Variants in GTF3C4 observed in about 807,000 individuals in gnomAD.
GTF3C4 encodes general transcription factor IIIC subunit 4.
GTF3C4 carries 28 observed loss-of-function variants against 67.5 expected under a neutral mutation model. The observed-to-expected ratio is 0.41, with a 90% CI of 0.31 to 0.57. GTF3C4 has a LOEUF of 0.57. GTF3C4 is among the 20% of genes least tolerant of loss of function. The pLI is 0.21. For synonymous variants in GTF3C4, 409 were observed against 393.0 expected (o/e 1.04, Z -0.48); for missense variants, 831 against 1,033.2 (o/e 0.80, Z 2.68).
chr9:132,683,339 T>C (rs1177271757), intron 2 of GTF3C4, among the ~76,000 whole-genome samples: 1 of 152,240 alleles, frequency 6.6e-6, no homozygotes, highest in African/African-American at 2.4e-5. Context: ...AGTACCTGAA[T>C]AAATTTATTT....
In GTF3C4 at chr9:132,688,932, C is replaced by G; in HGVS notation, c.2456C>G (p.Ser819Cys). 1 of 1,610,406 alleles carries G rather than the reference C, an allele frequency of 6.2e-7. No individual in the cohort carries two copies. Among genetic ancestry groups the G allele is most frequent in the Non-Finnish European group, 8.5e-7 (1 of 1,176,694 alleles). The part of the protein sequence containing the change: ...LLQSPCPFCD[S>C]PVF The stretch of plus-strand genomic sequence containing the variant: ...CAAAGCCCCTGCCCTTTCTGTGATT[C>G]TCCTGTCTTCTAAATAATCAGTGAC... Residue 819 changes from serine (S) to cysteine (C), a missense_variant, in exon 5 of 5, where the codon TCT becomes TGT. Physicochemically the swap from Ser to Cys is moderately radical, Grantham distance 112 (BLOSUM62 -1). Around this residue, in one of 4 missense-constraint regions of GTF3C4, gnomAD observed 129 missense variants for 213.8 expected, o/e 0.60. Transcript: ENST00000372146.
At chr9:132,684,313 T>C (rs1835992666) in intron 3 of GTF3C4, among the ~76,000 whole-genome samples, 1 of 152,222 alleles carries the variant, frequency 6.6e-6, no homozygotes. Flanking sequence ...TTTGGATGTT[T>C]AATAGGCATT....
rs762674600 is a variant in GTF3C4, at chr9:132,683,534, A to G, written c.2185-29A>G. On this transcript the variant is annotated intron_variant, in intron 2 of 4. Transcript: ENST00000372146. Reference sequence around the variant, plus strand: ...CTTCAGGAAATCCTGCACTTACACTAAACTTTGCTGACTACTTTGTCTTAC... The same window carrying G: ...CTTCAGGAAATCCTGCACTTACACTGAACTTTGCTGACTACTTTGTCTTAC... The G allele has an allele frequency of 1.2e-5, 19 of 1,594,646 alleles. No individual in the cohort carries two copies. The South Asian group carries it at 2.2e-4, about 19-fold the overall frequency.
intron 2 of GTF3C4, 88 bp from the exon 3 acceptor site, chr9:132,683,475 T>C (rs570344974): frequency 1.7e-6 from 2 of 1,198,528 alleles, no homozygotes; most frequent in African/African-American, 3.1e-5. Context: ...TTTTCTTTAT[T>C]TTTTAATTTT....
At chr9:132,684,959 G>C (rs1288462099) in intron 3 of GTF3C4, among the ~76,000 whole-genome samples, 3 of 150,928 alleles carry the variant, frequency 2.0e-5, no homozygotes, top group African/African-American at 7.3e-5. Flanking sequence ...TATGTGTTTT[G>C]TTTACAGCTA....
intron 1 of GTF3C4, 56 bp from the exon 2 acceptor site, chr9:132,677,921 T>C: frequency 7.1e-7 from 1 of 1,404,040 alleles, no homozygotes; most frequent in Non-Finnish European, 9.7e-7. Context: ...TTTTAAAAAA[T>C]TGCCATCTCC....
intron 1 of GTF3C4, among the ~76,000 whole-genome samples, chr9:132,673,580 C>T (rs1355997907): frequency 6.6e-6 from 1 of 152,190 alleles, no homozygotes; most frequent in Non-Finnish European, 1.5e-5. Flanking sequence ...TGTGTCAGCA[C>T]TTTGATGACT....
At position 132,689,324 on chromosome 9, in the gene GTF3C4, T is replaced by G. The variant is rs1180309696; in HGVS notation, c.*379T>G. Reference sequence around the variant, plus strand: ...GAGCTTGGATAAGGACCTTGCTGGGTTGAGTTAGGTTTTAATCCTTGCTTT... The same window carrying G: ...GAGCTTGGATAAGGACCTTGCTGGGGTGAGTTAGGTTTTAATCCTTGCTTT... On this transcript the variant is annotated 3_prime_UTR_variant, in exon 5 of 5. Transcript: ENST00000372146. 1 of 184,534 alleles carries G rather than the reference T, an allele frequency of 5.4e-6. No individual in the cohort carries two copies. Among genetic ancestry groups the G allele is most frequent in the Admixed American group, 5.4e-5 (1 of 18,434 alleles). 11.4% of individuals were successfully genotyped at this position (184,534 alleles called of 1,614,324 possible).
upstream of GTF3C4, chr9:132,670,328 C>G (rs1835673963): frequency 6.9e-7 from 1 of 1,458,172 alleles, no homozygotes; most frequent in African/African-American, 1.5e-5. Flanking sequence ...GGGTAGCTCC[C>G]TAACAGGCTC....
chr9:132,679,029 T>G lies in GTF3C4; in HGVS notation c.1410T>G (p.Asp470Glu). 1 of 1,614,190 alleles carries G rather than the reference T, an allele frequency of 6.2e-7. No homozygotes were observed. Among genetic ancestry groups the G allele is most frequent in the Non-Finnish European group, 8.5e-7 (1 of 1,180,026 alleles). Residue 470 changes from aspartate to glutamate, a missense_variant, in exon 2 of 5, where the codon GAT becomes GAG. By Grantham distance (45) the Asp-to-Glu change is conservative. Coordinates refer to ENST00000372146, the MANE Select transcript of GTF3C4 (RefSeq NM_012204.4). This position sits in a 1 kb window ranked among gnomAD's most constrained non-coding sequence, Gnocchi z 5.9. ...AACACCAGTTGATTAAACTCTCAGA[T>G]GTGTTTGGCTCAGTGAGGACTCACG... ...KFEHQLIKLS[D>E]VFGSVRTHGI...
intron 1 of GTF3C4, among the ~76,000 whole-genome samples, chr9:132,673,829 A>G (rs981134319): frequency 6.6e-6 from 1 of 152,212 alleles, no homozygotes; most frequent in Non-Finnish European, 1.5e-5. Flanking sequence ...GCTGTTTTAT[A>G]AGATTGTATG....
At position 132,678,834 on chromosome 9, in the gene GTF3C4, G is replaced by C. The variant is rs777353085; in HGVS notation, c.1215G>C (p.Leu405=). 1 of 1,614,162 alleles carries C rather than the reference G, an allele frequency of 6.2e-7. No individual in the cohort carries two copies. Among genetic ancestry groups the C allele is most frequent in the East Asian group, 2.2e-5 (1 of 44,892 alleles). ...CTTATGTATTTTGGTGTCTTCTTCT[G>C]ATCTCCAAAGCAGGGCTGAATGTTC... is the stretch of plus-strand genomic sequence containing the variant. ...RGSYVFWCLL[L]ISKAGLNVHN... Residue 405 remains leucine, a synonymous_variant, in exon 2 of 5, where the codon CTG becomes CTC. Coordinates refer to ENST00000372146, the MANE Select transcript of GTF3C4 (RefSeq NM_012204.4). This position sits in a 1 kb window ranked among gnomAD's most constrained non-coding sequence, Gnocchi z 6.5.
In GTF3C4 at chr9:132,689,812, A is replaced by C. The variant is rs3739896; in HGVS notation, c.*867A>C. 5.3e-5 allele frequency: 8 copies of C among 152,326 alleles called. No individual in the cohort carries two copies. The East Asian group carries it at 1.5e-3, about 29-fold the overall frequency. 9.4% of individuals were successfully genotyped at this position (152,326 alleles called of 1,614,324 possible). On this transcript the variant is annotated 3_prime_UTR_variant, in exon 5 of 5. Coordinates refer to ENST00000372146, the MANE Select transcript of GTF3C4 (RefSeq NM_012204.4). ...AAGACTTTCAGTATTTTTAATGTTG[A>C]CATTTCCAGATGTTTCATTTAGTAT... is the stretch of plus-strand genomic sequence containing the variant.
intron 1 of GTF3C4, among the ~76,000 whole-genome samples, chr9:132,673,468 T>C (rs1228486964): frequency 1.3e-5 from 2 of 152,116 alleles, no homozygotes; most frequent in African/African-American, 4.8e-5. Context: ...TTAGCAGTCT[T>C]TTTAGACTGA....
In GTF3C4 at chr9:132,688,909, A is replaced by G. The variant is rs776656351; in HGVS notation, c.2433A>G (p.Gln811=). Residue 811 remains glutamine (Q), a synonymous_variant, in exon 5 of 5, where the codon CAA becomes CAG. Coordinates refer to ENST00000372146, the MANE Select transcript of GTF3C4 (RefSeq NM_012204.4). ...CCGACTGGATTAAGAGGTTACTGCAAAGCCCCTGCCCTTTCTGTGATTCTC... is the reference window on the plus strand; with the variant it reads ...CCGACTGGATTAAGAGGTTACTGCAGAGCCCCTGCCCTTTCTGTGATTCTC... ...EDPDWIKRLL[Q]SPCPFCDSPV... The G allele has an allele frequency of 8.1e-6, 13 of 1,613,214 alleles. No homozygotes were observed. In the South Asian group the frequency reaches 8.8e-5, roughly 11 times the overall value.
intron 4 of GTF3C4, among the ~76,000 whole-genome samples, chr9:132,688,280 A>G (rs1474861061): frequency 6.6e-6 from 1 of 152,190 alleles, no homozygotes; most frequent in African/African-American, 2.4e-5. Context: ...GGAACTTTTA[A>G]ATTTTTACTG....
intron 3 of GTF3C4, 135 bp downstream of exon 3, chr9:132,683,828 T>C (rs1380353933): frequency 2.3e-6 from 2 of 856,542 alleles, no homozygotes; most frequent in Non-Finnish European, 3.5e-6. Flanking sequence ...AAGCTGCTAT[T>C]ATAAAGCCTG....
rs1378021066 is a variant in GTF3C4, at chr9:132,678,656, A to G, written c.1037A>G (p.Asn346Ser). Residue 346 changes from asparagine (N) to serine (S), a missense_variant, in exon 2 of 5, where the codon AAT becomes AGT. By Grantham distance (46) the Asn-to-Ser change is conservative. Transcript: ENST00000372146. The surrounding 1 kb of genome is among the most constrained non-coding windows in gnomAD (Gnocchi z 6.5). Reference sequence around the variant, plus strand: ...GGACCCATAAAAATTCTTCCTGTCAATCTCAAAGCAGTCAAAGGCTATTTC... The same window carrying G: ...GGACCCATAAAAATTCTTCCTGTCAGTCTCAAAGCAGTCAAAGGCTATTTC... ...AFGPIKILPV[N>S]LKAVKGYFTL... 1.9e-6 allele frequency: 3 copies of G among 1,614,006 alleles called. No individual in the cohort carries two copies. The highest frequency in any genetic ancestry group is 2.5e-6 in the Non-Finnish European group (3 of 1,180,002).
At position 132,670,611 on chromosome 9, in the gene GTF3C4, G is replaced by T; in HGVS notation, c.13G>T (p.Asp5Tyr). 3 of 1,448,744 alleles carry T rather than the reference G, an allele frequency of 2.1e-6. No homozygotes were observed. The highest frequency in any genetic ancestry group is 3.0e-5 in the South Asian group (2 of 67,628). 89.7% of individuals were successfully genotyped at this position (1,448,744 alleles called of 1,614,324 possible). Residue 5 changes from aspartate to tyrosine, a missense_variant, in exon 1 of 5, where the codon GAC (aspartate) becomes TAC (tyrosine). Around this residue, in one of 4 missense-constraint regions of GTF3C4, gnomAD observed 237 missense variants for 212.7 expected, o/e 1.11. Transcript: ENST00000372146. ...CACCTGAGAGAAGATGAACACGGCC[G>T]ACCAGGCCCGGGTGGGGCCCGCGGA... MNTADQARVGPADDG... is the reference protein window; with the variant it reads MNTAYQARVGPADDG...
Sources: allele counts gnomAD v4.1 joint callset (sites outside exome capture counted in the v4.1 genomes callset), GRCh38; gene constraint gnomAD v4.1.1; regional missense constraint gnomAD v4.1.1; non-coding constraint Gnocchi (gnomAD v3.1); transcripts MANE v1.5; gene names NCBI Gene and HGNC (gene_info 2026-07-23, HGNC 2026-07-21).